The following DOCK3 variants were observed in gnomAD, a reference collection of about 807,000 sequenced individuals.
DOCK3 encodes the protein dedicator of cytokinesis protein 3.
Under a neutral mutation model 265.6 loss-of-function variants are expected in DOCK3, and 60 were observed. That is an observed-to-expected ratio of 0.23 (90% CI 0.18 to 0.28). DOCK3 has a LOEUF of 0.28. Among genes scored for constraint, DOCK3 ranks in the 10% least tolerant of loss-of-function variants. DOCK3 has a pLI of 1.00. For synonymous variants in DOCK3, 881 were observed against 938.0 expected (o/e 0.94, Z 1.11); for missense variants, 1,981 against 2,594.3 (o/e 0.76, Z 5.14).
At chr3:51,284,015 A>G (rs1167672305) in intron 27 of DOCK3, among the ~76,000 whole-genome samples, 1 of 151,906 alleles carries the variant, frequency 6.6e-6, no homozygotes, top group East Asian at 2.0e-4. Context: ...AGTTAAAGGG[A>G]CAGGCAAGTA....
At chr3:51,249,262 G>A (rs1233663071) in intron 22 of DOCK3, among the ~76,000 whole-genome samples, 4 of 130,612 alleles carry the variant, frequency 3.1e-5, no homozygotes, top group Admixed American at 7.3e-5. Context: ...GCCTCTGCCC[G>A]GCCGCCCCTA....
chr3:51,375,909 A>C, intron 51 of DOCK3, 74 bp downstream of exon 51: 1 of 1,519,134 alleles, frequency 6.6e-7, no homozygotes, highest in African/African-American at 1.4e-5. Flanking sequence ...CCTGAGTACC[A>C]GCTGGCCAGG....
chr3:51,334,602 C>T (rs2084745127), intron 35 of DOCK3, among the ~76,000 whole-genome samples: 1 of 152,156 alleles, frequency 6.6e-6, no homozygotes, highest in Non-Finnish European at 1.5e-5. Flanking sequence ...TTTTCCTGGG[C>T]CTTTCGAGTT....
chr3:50,817,362 C>G (rs1000306819), intron 2 of DOCK3, among the ~76,000 whole-genome samples: 1 of 152,152 alleles, frequency 6.6e-6, no homozygotes, highest in African/African-American at 2.4e-5. Flanking sequence ...GTTCATACGC[C>G]TCTGACACAG....
intron 14 of DOCK3, among the ~76,000 whole-genome samples, chr3:51,218,077 C>T (rs995975052): frequency 1.3e-5 from 2 of 151,718 alleles, no homozygotes; most frequent in African/African-American, 4.8e-5. Context: ...AAGATGGCGC[C>T]ACTGCACTCC....
At chr3:51,089,342 T>G (rs2082548493) in intron 8 of DOCK3, 58 bp downstream of exon 8, 6 of 1,557,872 alleles carry the variant, frequency 3.9e-6, no homozygotes, top group South Asian at 1.2e-5. Context: ...GTTAAGAGAT[T>G]ACAACATATG....
chr3:50,882,687 A>C (rs2107669010), intron 3 of DOCK3, among the ~76,000 whole-genome samples: 1 of 152,330 alleles, frequency 6.6e-6, no homozygotes, highest in African/African-American at 2.4e-5. Context: ...AACTAGTTCA[A>C]CCATTGTGGA....
intron 12 of DOCK3, among the ~76,000 whole-genome samples, chr3:51,205,662 C>T (rs899495537): frequency 6.6e-6 from 1 of 151,982 alleles, no homozygotes; most frequent in African/African-American, 2.4e-5. Context: ...GTGATTGTAC[C>T]GCTACACTCC....
At chr3:51,275,387 A>G (rs982692345) in intron 25 of DOCK3, among the ~76,000 whole-genome samples, 181 bp downstream of exon 25, 3 of 152,190 alleles carry the variant, frequency 2.0e-5, no homozygotes, top group Non-Finnish European at 2.9e-5. Context: ...TGTCAGTACA[A>G]CACATTCTTG....
chr3:50,729,762 C>G (rs1452803843), intron 1 of DOCK3, among the ~76,000 whole-genome samples: 1 of 151,798 alleles, frequency 6.6e-6, no homozygotes, highest in African/African-American at 2.4e-5. Flanking sequence ...CTCAAGTGAT[C>G]CTCTCAGCCT....
At chr3:51,024,372 G>A (rs2079722595) in intron 5 of DOCK3, among the ~76,000 whole-genome samples, 1 of 152,182 alleles carries the variant, frequency 6.6e-6, no homozygotes. Context: ...TAGGCCAGTT[G>A]TGGATGTATC....
intron 5 of DOCK3, among the ~76,000 whole-genome samples, chr3:50,970,317 C>T (rs750836875): frequency 1.4e-4 from 22 of 152,122 alleles, no homozygotes; most frequent in Non-Finnish European, 2.8e-4. Flanking sequence ...CTGAGCTTCT[C>T]ATATCTGGAT....
chr3:50,898,680 C>T (rs2049021422), intron 4 of DOCK3: 2 of 152,260 alleles, frequency 1.3e-5, no homozygotes, highest in Non-Finnish European at 2.9e-5. Context: ...TATGTTGTGT[C>T]TTCGTTCTTT....
chr3:51,343,970 GAC>G lies in DOCK3; in HGVS notation c.3915+2587_3915+2588del, dbSNP rs1266918058. On this transcript the variant is annotated intron_variant, in intron 38 of 52. Transcript: ENST00000266037. ...CAAGGAGAGAGGGAAACTCCAAAGAGACAGGATATGGCAGGGTGAGAGTTTAG... is the reference window on the plus strand; with the variant it reads ...CAAGGAGAGAGGGAAACTCCAAAGAGAGGATATGGCAGGGTGAGAGTTTAG... Among the ~76,000 whole-genome samples, 22 of 152,344 alleles carry G rather than the reference GAC, an allele frequency of 1.4e-4. 1 individual carries two copies. The highest frequency in any genetic ancestry group is 6.8e-3 in the Middle Eastern group (2 of 294).
At chr3:50,864,662 G>A (rs149797332) in intron 3 of DOCK3, among the ~76,000 whole-genome samples, 26 of 151,798 alleles carry the variant, frequency 1.7e-4, no homozygotes, top group African/African-American at 6.3e-4. Flanking sequence ...TTCTGCATAG[G>A]GATATCCAGT....
chr3:51,209,662 G>A (rs2089402391), intron 13 of DOCK3, among the ~76,000 whole-genome samples: 1 of 152,118 alleles, frequency 6.6e-6, no homozygotes, highest in Non-Finnish European at 1.5e-5. Flanking sequence ...ATTATAAGTT[G>A]TCCTTAAATG....
rs2080886743 is a variant in DOCK3, at chr3:51,277,656, G to A, written c.2725G>A (p.Asp909Asn). ...EVEMMVESLL[D>N]VLLQTLLTIM... ...AGAGATGATGGTGGAGAGCCTCCTG[G>A]ACGTGCTCTTGCAGACTCTGCTCAC... Residue 909 changes from aspartate to asparagine, a missense_variant, in exon 26 of 53, where the codon GAC becomes AAC. Physicochemically the swap from Asp to Asn is conservative, Grantham distance 23. Around this residue, in one of 4 missense-constraint regions of DOCK3, gnomAD observed 1,357 missense variants for 1,866.8 expected, o/e 0.73. Coordinates refer to ENST00000266037, the MANE Select transcript of DOCK3 (RefSeq NM_004947.5). The A allele has an allele frequency of 6.3e-7, 1 of 1,595,178 alleles. No homozygotes were observed. The highest frequency in any genetic ancestry group is 1.3e-5 in the African/African-American group (1 of 74,202).
At chr3:51,298,017 A>C (rs558295544) in intron 27 of DOCK3, among the ~76,000 whole-genome samples, 58 of 152,324 alleles carry the variant, frequency 3.8e-4, no homozygotes, top group Middle Eastern at 3.4e-3. Context: ...ATAATGAAGA[A>C]GACAAATATT....
At chr3:51,111,592 A>C (rs1459656725) in intron 9 of DOCK3, among the ~76,000 whole-genome samples, 2 of 152,234 alleles carry the variant, frequency 1.3e-5, no homozygotes, top group Non-Finnish European at 2.9e-5. Flanking sequence ...AAGATGGATT[A>C]AAGACTTAAA....
Sources: allele counts gnomAD v4.1 joint callset (sites outside exome capture counted in the v4.1 genomes callset), GRCh38; gene constraint gnomAD v4.1.1; regional missense constraint gnomAD v4.1.1; transcripts MANE v1.5; gene names NCBI Gene and HGNC (gene_info 2026-07-23, HGNC 2026-07-21).